The following OPRD1 variants were observed in gnomAD, a reference collection of about 807,000 sequenced individuals.
OPRD1 encodes delta-type opioid receptor.
Under a neutral mutation model 17.5 loss-of-function variants are expected in OPRD1, and 19 were observed. That is an observed-to-expected ratio of 1.09 (90% CI 0.76 to 1.60). OPRD1 has a LOEUF of 1.60. Ranked by LOEUF, OPRD1 falls within the 40% of genes most tolerant of loss-of-function variation. The probability of loss-of-function intolerance (pLI) is 0.00; values close to 1 mark genes in which losing one functional copy is unlikely to be tolerated. For missense variants in OPRD1, 483 were observed against 547.2 expected, an observed-to-expected ratio of 0.88 and a Z score of 1.17; for synonymous variants, 256 against 240.9, an observed-to-expected ratio of 1.06 and a Z score of -0.58.
At chr1:28,835,187 C>G (rs532900183) in intron 1 of OPRD1, among the ~76,000 whole-genome samples, 96 of 152,234 alleles carry the variant, frequency 6.3e-4, no homozygotes, top group African/African-American at 2.1e-3. Flanking sequence ...GTTCTTGGGC[C>G]CCCATTGTGC....
At position 28,868,464 on chromosome 1, in the gene OPRD1, C is replaced by T. The variant is rs2089193009; in HGVS notation, c.*5181C>T. ...CCAAAGTGCCTGGCACATAGTGGGG[C>T]CTCGATACAGGCTTATTCTCTGATA... On this transcript the variant is annotated 3_prime_UTR_variant, in exon 3 of 3. Coordinates refer to ENST00000234961, the MANE Select transcript of OPRD1 (RefSeq NM_000911.4). 6.6e-6 allele frequency: 1 copy of T among 152,218 alleles called. No individual in the cohort carries two copies. Among genetic ancestry groups the T allele is most frequent in the African/African-American group, 2.4e-5 (1 of 41,456 alleles). 9.4% of individuals were successfully genotyped at this position (152,218 alleles called of 1,614,324 possible). A position where few individuals can be genotyped will look rare whatever the true frequency, so the allele number is the denominator to read the frequency against.
At chr1:28,822,135 G>A (rs1259400932) in intron 1 of OPRD1, among the ~76,000 whole-genome samples, 1 of 151,648 alleles carries the variant, frequency 6.6e-6, no homozygotes, top group Non-Finnish European at 1.5e-5. Context: ...ATTTTTAGTA[G>A]AGATGGGGTT....
At chr1:28,815,950 G>A (rs554127548) in intron 1 of OPRD1, among the ~76,000 whole-genome samples, 3 of 152,096 alleles carry the variant, frequency 2.0e-5, no homozygotes, top group Non-Finnish European at 2.9e-5. Flanking sequence ...CTGTGTACTC[G>A]GGCTAGTGAC....
chr1:28,848,400 C>T (rs751152926), intron 1 of OPRD1, among the ~76,000 whole-genome samples: 1 of 152,206 alleles, frequency 6.6e-6, no homozygotes, highest in Non-Finnish European at 1.5e-5. Context: ...TCCCTCCACA[C>T]TCCCCAGCCT....
chr1:28,825,627 G>A (rs755691158), intron 1 of OPRD1, among the ~76,000 whole-genome samples: 6 of 152,094 alleles, frequency 3.9e-5, no homozygotes, highest in East Asian at 1.9e-4. Flanking sequence ...CTTGTGATCC[G>A]CCTGCCTCAG....
chr1:28,847,136 C>T (rs1384388912), intron 1 of OPRD1, among the ~76,000 whole-genome samples: 1 of 151,442 alleles, frequency 6.6e-6, no homozygotes, highest in African/African-American at 2.4e-5. Flanking sequence ...ACTGCAACCT[C>T]TGCCTCCCGG....
In OPRD1 at chr1:28,862,987, G is replaced by C; in HGVS notation, c.823G>C (p.Ala275Pro). 1 of 1,610,712 alleles carries C rather than the reference G, an allele frequency of 6.2e-7. No individual in the cohort carries two copies. Among genetic ancestry groups the C allele is most frequent in the Non-Finnish European group, 8.5e-7 (1 of 1,178,680 alleles). ...VVVGAFVVCW[A>P]PIHIFVIVWT... ...TGTGGGCGCCTTCGTGGTGTGTTGG[G>C]CGCCCATCCACATCTTCGTCATCGT... Residue 275 changes from alanine to proline, a missense_variant, in exon 3 of 3, where the codon GCG becomes CCG. Transcript: ENST00000234961.
intron 1 of OPRD1, among the ~76,000 whole-genome samples, chr1:28,858,701 A>G (rs536379262): frequency 6.6e-6 from 1 of 151,542 alleles, no homozygotes; most frequent in South Asian, 2.1e-4. Flanking sequence ...ACCCACCACC[A>G]CACCCAGCTA....
At chr1:28,839,756 TA>T (rs983628094) in intron 1 of OPRD1, among the ~76,000 whole-genome samples, 1 of 151,958 alleles carries the variant, frequency 6.6e-6, no homozygotes, top group African/African-American at 2.4e-5. Flanking sequence ...ATGATCAGAG[TA>T]AACATTTCCC....
Position 28,852,669 on chromosome 1 carries a change from C to T in OPRD1, c.228-6285C>T, listed in dbSNP as rs2298894. Among the ~76,000 whole-genome samples the T allele has an allele frequency of 0.017, 2,566 of 152,100 alleles. 196 individuals carry two copies. The East Asian group carries it at 0.24, about 14-fold the overall frequency. Reference sequence around the variant, plus strand: ...GCACTCCAGCCTGGACGACATAGCACGACCCCATCTCTTAGGATTTTCTTT... The same window carrying T: ...GCACTCCAGCCTGGACGACATAGCATGACCCCATCTCTTAGGATTTTCTTT... On this transcript the variant is annotated intron_variant, in intron 1 of 2. Transcript: ENST00000234961.
chr1:28,849,505 C>T (rs2088980608), intron 1 of OPRD1, among the ~76,000 whole-genome samples: 1 of 152,204 alleles, frequency 6.6e-6, no homozygotes, highest in South Asian at 2.1e-4. Context: ...CACACACACA[C>T]ATGCACACAC....
In OPRD1 at chr1:28,812,300, C is replaced by T; in HGVS notation, c.-84C>T. The T allele has an allele frequency of 1.0e-6, 1 of 994,732 alleles. No individual in the cohort carries two copies. Among genetic ancestry groups the T allele is most frequent in the Middle Eastern group, 3.8e-4 (1 of 2,664 alleles). The allele number at this position is 994,732 out of a possible 1,614,324, so 61.6% of individuals were successfully genotyped here. On this transcript the variant is annotated 5_prime_UTR_variant, in exon 1 of 3. Transcript: ENST00000234961. ...CAGCCGGCGGCGTCGGGGCCGCGGC[C>T]TCTGCCTTGCCGCTCCCCTCGCGTC...
intron 1 of OPRD1, among the ~76,000 whole-genome samples, chr1:28,836,616 T>C (rs1278154385): frequency 6.6e-6 from 1 of 152,188 alleles, no homozygotes; most frequent in Non-Finnish European, 1.5e-5. Flanking sequence ...GAAGAACGCC[T>C]GCTGGCCCGG....
chr1:28,831,155 C>A (rs1284219778), intron 1 of OPRD1, among the ~76,000 whole-genome samples: 6 of 152,200 alleles, frequency 3.9e-5, no homozygotes, highest in African/African-American at 1.4e-4. Context: ...AGCTGTCCTG[C>A]TGGGAGGGGC....
chr1:28,839,688 A>G (rs1188005094), intron 1 of OPRD1, among the ~76,000 whole-genome samples: 1 of 152,136 alleles, frequency 6.6e-6, no homozygotes, highest in Non-Finnish European at 1.5e-5. Context: ...GCTGTTGTGC[A>G]TCAGTGGGAA....
chr1:28,840,913 TCC>T (rs1459109445), intron 1 of OPRD1, among the ~76,000 whole-genome samples: 1 of 151,944 alleles, frequency 6.6e-6, no homozygotes, highest in East Asian at 1.9e-4. Context: ...AGAATGAGAC[TCC>T]GTCTCAAAAA....
chr1:28,833,808 G>A (rs766032900), intron 1 of OPRD1, among the ~76,000 whole-genome samples: 3 of 152,162 alleles, frequency 2.0e-5, no homozygotes, highest in Admixed American at 6.5e-5. Flanking sequence ...ACCAAATGCC[G>A]TGGTAGTGCT....
chr1:28,866,070 T>C lies in OPRD1; in HGVS notation c.*2787T>C, dbSNP rs2089173535. On this transcript the variant is annotated 3_prime_UTR_variant, in exon 3 of 3. Coordinates refer to ENST00000234961, the MANE Select transcript of OPRD1 (RefSeq NM_000911.4). ...GTGTTTAAGGTAGTGCAAACTTGTA[T>C]TGAAATCTACTTCATGCCAAGCATG... The C allele has an allele frequency of 6.6e-6, 1 of 152,232 alleles. No individual in the cohort carries two copies. The highest frequency in any genetic ancestry group is 2.1e-4 in the South Asian group (1 of 4,836). 9.4% of individuals were successfully genotyped at this position (152,232 alleles called of 1,614,324 possible). A position where few individuals can be genotyped will look rare whatever the true frequency, so the allele number is the denominator to read the frequency against.
intron 2 of OPRD1, among the ~76,000 whole-genome samples, chr1:28,861,767 A>T (rs1487244337): frequency 6.6e-6 from 1 of 151,490 alleles, no homozygotes; most frequent in Non-Finnish European, 1.5e-5. Context: ...GATTAAGCTG[A>T]GACCTGCTTC....
Sources: gnomAD v4.1 joint callset for allele counts (sites outside exome capture counted in the v4.1 genomes callset) on GRCh38, gnomAD v4.1.1 for gene constraint, MANE v1.5 for transcripts, NCBI Gene and HGNC (gene_info 2026-07-23, HGNC 2026-07-21) for gene names.